Variants in KCNH7 observed in about 807,000 individuals in gnomAD.
KCNH7 encodes the protein potassium voltage-gated channel subfamily H member 7, also known as voltage-gated inwardly rectifying potassium channel KCNH7.
KCNH7 carries 49 observed loss-of-function variants against 120.8 expected under a neutral mutation model. The observed-to-expected ratio is 0.41, with a 90% confidence interval of 0.32 to 0.51. The LOEUF (loss-of-function observed/expected upper bound fraction) is 0.51. KCNH7 is among the 20% of genes least tolerant of loss of function. The probability of loss-of-function intolerance (pLI) is 0.38; values close to 1 mark genes in which losing one functional copy is unlikely to be tolerated. For missense variants in KCNH7, 1,097 were observed against 1,446.6 expected, an observed-to-expected ratio of 0.76 and a Z score of 3.92; for synonymous variants, 547 against 516.1, an observed-to-expected ratio of 1.06 and a Z score of -0.81.
At chr2:162,709,037 G>T (rs1686825833) in intron 2 of KCNH7, among the ~76,000 whole-genome samples, 1 of 152,006 alleles carries the variant, frequency 6.6e-6, no homozygotes. Flanking sequence ...AGAGAAGTGG[G>T]GCAGTAGCAT....
chr2:162,771,453 A>G (rs1683052245), intron 2 of KCNH7, among the ~76,000 whole-genome samples: 1 of 152,042 alleles, frequency 6.6e-6, no homozygotes. Flanking sequence ...AACTTTCCTC[A>G]GTTTCCTCCC....
chr2:162,817,708 C>T (rs543303582), intron 2 of KCNH7, among the ~76,000 whole-genome samples: 1 of 152,118 alleles, frequency 6.6e-6, no homozygotes, highest in Non-Finnish European at 1.5e-5. Flanking sequence ...TGCTCCACAT[C>T]TTCACCAACA....
chr2:162,601,425 T>TTTTTTTTC (rs1694551755), intron 2 of KCNH7, among the ~76,000 whole-genome samples: 1 of 146,266 alleles, frequency 6.8e-6, no homozygotes, highest in Non-Finnish European at 1.5e-5. Flanking sequence ...TTTTTTTTTT[T>TTTTTTTTC]TGCTTACTTT....
At position 162,765,087 on chromosome 2, in the gene KCNH7, A is replaced by G. The variant is rs181903585; in HGVS notation, c.307+71450T>C. Among the ~76,000 whole-genome samples the G allele has an allele frequency of 6.3e-4, 96 of 152,314 alleles. 2 individuals are homozygous for G. The Middle Eastern group carries it at 0.037, about 59-fold the overall frequency. ...GAAGGGTAAGGAAGGAGGAAAAAGA[A>G]TACAAGAAGGCACAAAACAGAAGAT... On this transcript the variant is annotated intron_variant, in intron 2 of 15. Coordinates refer to ENST00000332142, the MANE Select transcript of KCNH7 (RefSeq NM_033272.4).
chr2:162,748,942 C>T (rs1688439764), intron 2 of KCNH7, among the ~76,000 whole-genome samples: 1 of 108,284 alleles, frequency 9.2e-6, no homozygotes, highest in Non-Finnish European at 1.8e-5. Context: ...TTCCTTCCTT[C>T]CTTCCTTCCT....
chr2:162,384,706 T>C lies in KCNH7; in HGVS notation c.2944A>G (p.Arg982Gly), dbSNP rs1351194663. 4.3e-6 allele frequency: 7 copies of C among 1,612,458 alleles called. No homozygotes were observed. The highest frequency in any genetic ancestry group is 5.1e-6 in the Non-Finnish European group (6 of 1,178,876). Residue 982 changes from arginine (R) to glycine (G), a missense_variant, in exon 13 of 16, where the codon AGA (arginine) becomes GGA (glycine). Physicochemically the swap from Arg to Gly is moderately radical, Grantham distance 125. Around this residue, in one of 8 missense-constraint regions of KCNH7, gnomAD observed 406 missense variants for 410.5 expected, o/e 0.99. Coordinates refer to ENST00000332142, the MANE Select transcript of KCNH7 (RefSeq NM_033272.4). ...GGATTACCTTTGCAAGAGTGACTTC[T>C]TTTATCTATGTGCATTCTTCCTGAG... ...PTSGRMHIDK[R>G]SHSCKDITDM...
chr2:162,723,464 G>T (rs989767632), intron 2 of KCNH7, among the ~76,000 whole-genome samples: 5 of 152,188 alleles, frequency 3.3e-5, no homozygotes, highest in African/African-American at 9.7e-5. Flanking sequence ...AGGAATCCCT[G>T]CCACACATGA....
intron 14 of KCNH7, among the ~76,000 whole-genome samples, chr2:162,374,768 A>G (rs1395301376): frequency 6.6e-6 from 1 of 152,116 alleles, no homozygotes; most frequent in Non-Finnish European, 1.5e-5. Flanking sequence ...AAGAATCACA[A>G]TAACACATTA....
chr2:162,633,602 T>C (rs1040158039), intron 2 of KCNH7, among the ~76,000 whole-genome samples: 2 of 151,966 alleles, frequency 1.3e-5, no homozygotes, highest in African/African-American at 4.8e-5. Flanking sequence ...CCTTAATCCA[T>C]CTAGAATTTA....
At chr2:162,586,856 C>T (rs1181562386) in intron 2 of KCNH7, among the ~76,000 whole-genome samples, 1 of 151,990 alleles carries the variant, frequency 6.6e-6, no homozygotes, top group Non-Finnish European at 1.5e-5. Context: ...TTTATGTCAA[C>T]TTTACATGTA....
chr2:162,745,962 G>T, intron 2 of KCNH7, among the ~76,000 whole-genome samples: 1 of 151,596 alleles, frequency 6.6e-6, no homozygotes, highest in African/African-American at 2.4e-5. Context: ...CTAACATATT[G>T]ATACTGAAAC....
intron 2 of KCNH7, among the ~76,000 whole-genome samples, chr2:162,596,355 C>T (rs1553500712): frequency 6.6e-6 from 1 of 151,960 alleles, no homozygotes; most frequent in Non-Finnish European, 1.5e-5. Context: ...AAACAACAGA[C>T]AAATCAACTA....
intron 9 of KCNH7, among the ~76,000 whole-genome samples, chr2:162,409,931 C>T (rs543023943): frequency 2.3e-4 from 35 of 151,688 alleles, no homozygotes; most frequent in Admixed American, 4.6e-4. Flanking sequence ...AAATGAGAGA[C>T]GACACAGAAA....
chr2:162,537,515 G>A (rs945665977), intron 2 of KCNH7, among the ~76,000 whole-genome samples: 1 of 151,942 alleles, frequency 6.6e-6, no homozygotes, highest in African/African-American at 2.4e-5. Context: ...AGCAACTTAT[G>A]TGCTTTTTCT....
intron 2 of KCNH7, among the ~76,000 whole-genome samples, chr2:162,775,499 C>G (rs1434889735): frequency 6.6e-6 from 1 of 151,640 alleles, no homozygotes; most frequent in Non-Finnish European, 1.5e-5. Flanking sequence ...GAGTAGCCAT[C>G]ACATTTAAAA....
At chr2:162,642,083 C>T (rs1003877192) in intron 2 of KCNH7, among the ~76,000 whole-genome samples, 2 of 152,020 alleles carry the variant, frequency 1.3e-5, no homozygotes, top group Non-Finnish European at 2.9e-5. Flanking sequence ...CAATAAATTC[C>T]AATAGATAAG....
At chr2:162,751,297 A>G (rs1688538773) in intron 2 of KCNH7, among the ~76,000 whole-genome samples, 1 of 152,196 alleles carries the variant, frequency 6.6e-6, no homozygotes, top group African/African-American at 2.4e-5. Context: ...ATATTGTTCT[A>G]CTAGGAGAAT....
chr2:162,717,360 A>T (rs73974052), intron 2 of KCNH7, among the ~76,000 whole-genome samples: 1 of 152,070 alleles, frequency 6.6e-6, no homozygotes, highest in Admixed American at 6.6e-5. Flanking sequence ...ATAATATTCA[A>T]TAAAGCTAGC....
Position 162,552,009 on chromosome 2 carries a change from C to G in KCNH7, c.308-14929G>C, listed in dbSNP as rs572209176. 5.5e-4 allele frequency among the ~76,000 whole-genome samples: 83 copies of G among 152,132 alleles called. 1 individual carries two copies. Among genetic ancestry groups the G allele is most frequent in the Middle Eastern group, 3.4e-3 (1 of 294 alleles). ...GAGACTTTTGCATTTAAATACAAAC[C>G]AAGCAGAACCAAAATGGAAAGAAAA... On this transcript the variant is annotated intron_variant, in intron 2 of 15. Coordinates refer to ENST00000332142, the MANE Select transcript of KCNH7 (RefSeq NM_033272.4).
Sources: allele counts gnomAD v4.1 joint callset (sites outside exome capture counted in the v4.1 genomes callset), GRCh38; gene constraint gnomAD v4.1.1; regional missense constraint gnomAD v4.1.1; transcripts MANE v1.5; gene names NCBI Gene and HGNC (gene_info 2026-07-23, HGNC 2026-07-21).